The following CEP131 variants were observed in gnomAD, a reference collection of about 807,000 sequenced individuals.
CEP131 encodes the protein centrosomal protein 131, also known as centrosomal protein of 131 kDa.
Under a neutral mutation model 136.8 loss-of-function variants are expected in CEP131, and 99 were observed. That is an observed-to-expected ratio of 0.72 (90% CI 0.62 to 0.86). The LOEUF is 0.86. CEP131 is among the 40% of genes least tolerant of loss of function. CEP131 has a pLI of 0.00. For missense variants in CEP131, 1,459 were observed against 1,463.0 expected, an observed-to-expected ratio of 1.00 and a Z score of 0.04; for synonymous variants, 646 against 612.7, an observed-to-expected ratio of 1.05 and a Z score of -0.80.
In CEP131 at chr17:81,194,080, C is replaced by T. The variant is rs2061702778; in HGVS notation, c.2167G>A (p.Val723Met). The T allele has an allele frequency of 1.3e-6, 2 of 1,578,616 alleles. No homozygotes were observed. The highest frequency in any genetic ancestry group is 1.8e-5 in the Admixed American group (1 of 55,256). ...TCGTGCAGGCTCTTGAGCCTCCGCA[C>T]TTCCTGCTTGTGCCTTGCAATCAGC... Reference protein sequence around the residue: ...QKLIARHKQEVRRLKSLHEAE... With the variant: ...QKLIARHKQEMRRLKSLHEAE... The change falls in exon 18 of 26, where the codon GTG (valine) becomes ATG (methionine). Residue 723 changes from valine (V) to methionine (M), a missense_variant. Val to Met is a conservative substitution (Grantham distance 21). This residue lies in a region of CEP131 where 1,026 missense variants were observed against 964.2 expected (regional missense o/e 1.06). Coordinates refer to ENST00000450824, the MANE Select transcript of CEP131 (RefSeq NM_014984.4).
In CEP131 at chr17:81,209,025, G is replaced by A. The variant is rs770173513; in HGVS notation, c.178-3C>T. ...GAGCCCCCAGGCCCTGTGGCCTCCT[G>A]CAAAAAGGGAGAAAACAGTTAATTA... On this transcript the variant is annotated splice_region_variant and splice_polypyrimidine_tract_variant and intron_variant, in intron 2 of 25. Transcript: ENST00000450824. 1.2e-6 allele frequency: 2 copies of A among 1,604,004 alleles called. No individual in the cohort carries two copies. Among genetic ancestry groups the A allele is most frequent in the South Asian group, 2.2e-5 (2 of 90,642 alleles).
intron 8 of CEP131, 62 bp from the exon 9 acceptor site, chr17:81,199,897 C>G: frequency 2.6e-6 from 4 of 1,548,668 alleles, no homozygotes; most frequent in Non-Finnish European, 3.5e-6. Flanking sequence ...AGACCCAGAC[C>G]AGAGGTTTCC....
intron 24 of CEP131, among the ~76,000 whole-genome samples, chr17:81,190,204 G>A (rs2061607664): frequency 6.6e-6 from 1 of 152,168 alleles, no homozygotes; most frequent in Non-Finnish European, 1.5e-5. Flanking sequence ...GGGAGGCCTG[G>A]TACCCAGATG....
chr17:81,217,219 T>C (rs117616874), intron 2 of CEP131, among the ~76,000 whole-genome samples: 124 of 152,244 alleles, frequency 8.1e-4, no homozygotes, highest in Non-Finnish European at 1.6e-3. Context: ...AGGGACCCTC[T>C]ACAGTCTGGC....
In CEP131 at chr17:81,208,127, A is replaced by T. The variant is rs1291197519; in HGVS notation, c.272+801T>A. Among the ~76,000 whole-genome samples the T allele has an allele frequency of 6.7e-6, 1 of 150,082 alleles. No homozygotes were observed. On this transcript the variant is annotated intron_variant, in intron 3 of 25. Coordinates refer to ENST00000450824, the MANE Select transcript of CEP131 (RefSeq NM_014984.4). This position sits in a 1 kb window ranked among gnomAD's most constrained non-coding sequence, Gnocchi z 5.6. ...TGCCACACACCCACACACCACACAC[A>T]TACCACACACACACACCAGCTGGCC...
Position 81,220,058 on chromosome 17 carries a change from G to A in CEP131, c.-2C>T, listed in dbSNP as rs759523798. ...GCCGATGGCCCGGGTGCCTTTCATG[G>A]TGGACAAGGCAGGTCCTGAGCGGGG... On this transcript the variant is annotated 5_prime_UTR_variant, in exon 2 of 26. Transcript: ENST00000450824. 1 of 1,578,026 alleles carries A rather than the reference G, an allele frequency of 6.3e-7. No individual in the cohort carries two copies. Among genetic ancestry groups the A allele is most frequent in the Non-Finnish European group, 8.6e-7 (1 of 1,163,870 alleles).
chr17:81,202,219 C>CA (rs1280732156), intron 7 of CEP131, 21 bp downstream of exon 7: 8 of 1,552,956 alleles, frequency 5.2e-6, no homozygotes, highest in Admixed American at 1.8e-5. Context: ...GGCCCCCCCC[C>CA]ACCGCCCCAA....
chr17:81,193,546 G>C lies in CEP131; in HGVS notation c.2321+380C>G, dbSNP rs193201230. ...GACCCCAGGCCAAGGGAGTGAATGA[G>C]AGAGACCGTCCCTGGGCCCCAAGGT... On this transcript the variant is annotated intron_variant, in intron 18 of 25. Coordinates refer to ENST00000450824, the MANE Select transcript of CEP131 (RefSeq NM_014984.4). Among the ~76,000 whole-genome samples, 7 of 152,322 alleles carry C rather than the reference G, an allele frequency of 4.6e-5. No homozygotes were observed. In the East Asian group the frequency reaches 1.2e-3, roughly 25 times the overall value.
rs1039650560 is a variant in CEP131, at chr17:81,192,976, C to G, written c.2322-133G>C. ...AGCCCTCCGGGGCCCTGCCCCTCCCCCTCGGCAGTCAAGGCCCCTCAAAGC... is the reference window on the plus strand; with the variant it reads ...AGCCCTCCGGGGCCCTGCCCCTCCCGCTCGGCAGTCAAGGCCCCTCAAAGC... On this transcript the variant is annotated intron_variant, in intron 18 of 25. Transcript: ENST00000450824. 16 of 1,402,962 alleles carry G rather than the reference C, an allele frequency of 1.1e-5. No individual in the cohort carries two copies. In the Admixed American group the frequency reaches 3.6e-4, roughly 32 times the overall value. 86.9% of individuals were successfully genotyped at this position (1,402,962 alleles called of 1,614,324 possible).
At chr17:81,197,916 G>T in intron 12 of CEP131, 28 bp from the exon 13 acceptor site, 1 of 1,599,912 alleles carries the variant, frequency 6.3e-7, no homozygotes, top group Non-Finnish European at 8.5e-7. Flanking sequence ...AGCATCGGGG[G>T]CTGTCAGGGC....
intron 11 of CEP131, 150 bp from the exon 12 acceptor site, chr17:81,198,447 C>T (rs1219617008): frequency 1.6e-5 from 13 of 823,032 alleles, no homozygotes; most frequent in Non-Finnish European, 2.4e-5. Flanking sequence ...AGGGCTCAGA[C>T]CTTCCCACCC....
intron 3 of CEP131, among the ~76,000 whole-genome samples, chr17:81,207,551 T>C (rs1209445129): frequency 6.6e-6 from 1 of 151,794 alleles, no homozygotes; most frequent in Non-Finnish European, 1.5e-5. Flanking sequence ...GTTTCGGCTA[T>C]GTTGCCCAGG....
chr17:81,193,066 A>C (rs1193032301), intron 18 of CEP131, among the ~76,000 whole-genome samples: 6 of 152,184 alleles, frequency 3.9e-5, no homozygotes, highest in Non-Finnish European at 8.8e-5. Flanking sequence ...CAATTCCCTG[A>C]GCTCCAGGCC....
chr17:81,192,202 A>G, intron 21 of CEP131, 116 bp downstream of exon 21: 1 of 949,858 alleles, frequency 1.1e-6, no homozygotes, highest in Non-Finnish European at 1.6e-6. Context: ...TGTGACTCCC[A>G]GAAACGAGCC....
Position 81,191,223 on chromosome 17 carries a change from T to A in CEP131, c.2735A>T (p.Lys912Met). Residue 912 changes from lysine (K) to methionine (M), a missense_variant, in exon 22 of 26, where the codon AAG becomes ATG. Around this residue, in one of 3 missense-constraint regions of CEP131, gnomAD observed 1,026 missense variants for 964.2 expected, o/e 1.06. Transcript: ENST00000450824. ...HRLEADMALA[K>M]EESEKAAESR... ...CTCGGCAGCCTTCTCACTCTCCTCC[T>A]TGGCCAGCGCCATGTCGGCCTCCAG... 1.2e-6 allele frequency: 2 copies of A among 1,613,052 alleles called. No homozygotes were observed. Among genetic ancestry groups the A allele is most frequent in the Non-Finnish European group, 1.7e-6 (2 of 1,179,966 alleles).
In CEP131 at chr17:81,219,182, C is replaced by T. The variant is rs1430096423; in HGVS notation, c.177+698G>A. ...AGAGGTGGGCAGGAAAGGCAGCTCT[C>T]ACCCCGAAGCTCCCACGGCTGTCCT... On this transcript the variant is annotated intron_variant, in intron 2 of 25. Transcript: ENST00000450824. The surrounding 1 kb of genome is among the most constrained non-coding windows in gnomAD (Gnocchi z 4.0). 6.6e-6 allele frequency among the ~76,000 whole-genome samples: 1 copy of T among 152,208 alleles called. No homozygotes were observed. Among genetic ancestry groups the T allele is most frequent in the East Asian group, 1.9e-4 (1 of 5,194 alleles).
intron 2 of CEP131, among the ~76,000 whole-genome samples, chr17:81,216,646 G>A (rs752329867): frequency 1.3e-5 from 2 of 152,262 alleles, no homozygotes; most frequent in Non-Finnish European, 2.9e-5. Context: ...TGTGGGTGCA[G>A]GAGAAACAGA....
chr17:81,215,331 A>G lies in CEP131; in HGVS notation c.177+4549T>C, dbSNP rs2146719086. ...AGGCTGGTCTCAAACTCCTGGCCTC[A>G]AGTGATCCTCCCACCGCAGCCACGC... is the stretch of plus-strand genomic sequence containing the variant. On this transcript the variant is annotated intron_variant, in intron 2 of 25. Transcript: ENST00000450824. The surrounding 1 kb of genome is among the most constrained non-coding windows in gnomAD (Gnocchi z 4.1). Among the ~76,000 whole-genome samples, 1 of 151,904 alleles carries G rather than the reference A, an allele frequency of 6.6e-6. No homozygotes were observed. The highest frequency in any genetic ancestry group is 1.9e-4 in the East Asian group (1 of 5,144).
rs747588950 is a variant in CEP131, at chr17:81,190,984, C to G, written c.2866G>C (p.Gly956Arg). The change falls in exon 23 of 26, where the codon GGG becomes CGG. Residue 956 changes from glycine (G) to arginine (R), a missense_variant. Gly to Arg is a moderately radical substitution (Grantham distance 125, BLOSUM62 -2). Coordinates refer to ENST00000450824, the MANE Select transcript of CEP131 (RefSeq NM_014984.4). The part of the protein sequence containing the change: ...ERCSELKGQL[G>R]EAEGENLRLQ... ...CGCAGATTCTCGCCCTCGGCCTCCC[C>G]AAGCTGGCCCTTCAGCTCCGAGCAC... 2 of 1,607,912 alleles carry G rather than the reference C, an allele frequency of 1.2e-6. No individual in the cohort carries two copies. Among genetic ancestry groups the G allele is most frequent in the Non-Finnish European group, 8.5e-7 (1 of 1,179,914 alleles).
Sources: gnomAD v4.1 joint callset for allele counts (sites outside exome capture counted in the v4.1 genomes callset) on GRCh38, gnomAD v4.1.1 for gene constraint, gnomAD v4.1.1 regional missense constraint, Gnocchi (gnomAD v3.1) non-coding constraint, MANE v1.5 for transcripts, NCBI Gene and HGNC (gene_info 2026-07-23, HGNC 2026-07-21) for gene names.